Variants in ITPR3 observed in about 807,000 individuals in gnomAD.
ITPR3 encodes inositol 1,4,5-trisphosphate-gated calcium channel ITPR3.
Under a neutral mutation model 293.2 loss-of-function variants are expected in ITPR3, and 173 were observed. That is an observed-to-expected ratio of 0.59 (90% CI 0.52 to 0.67). The LOEUF (loss-of-function observed/expected upper bound fraction) is 0.67, where lower values mean the gene tolerates loss of function less well. Ranked by LOEUF, ITPR3 falls within the 30% of genes least tolerant of loss-of-function variation. The pLI is 0.00. For synonymous variants in ITPR3, 1,295 were observed against 1,444.4 expected (o/e 0.90, Z 2.35); for missense variants, 2,796 against 3,592.1 (o/e 0.78, Z 5.66).
Position 33,692,335 on chromosome 6 carries a change from C to CA in ITPR3, c.7459-392dup, listed in dbSNP as rs953049836. On this transcript the variant is annotated intron_variant, in intron 54 of 57. Transcript: ENST00000605930. This position sits in a 1 kb window ranked among gnomAD's most constrained non-coding sequence, Gnocchi z 4.2. ...GTGAGAGGCCGCCTCCCTGGCCAGA[C>CA]AGAGGGTTTCTGGAATGTGTGAGGC... 1.3e-5 allele frequency among the ~76,000 whole-genome samples: 2 copies of CA among 152,188 alleles called. No homozygotes were observed. The highest frequency in any genetic ancestry group is 4.8e-5 in the African/African-American group (2 of 41,438).
In ITPR3 at chr6:33,666,104, T is replaced by G; in HGVS notation, c.1551+128T>G. 9.5e-7 allele frequency: 1 copy of G among 1,057,316 alleles called. No individual in the cohort carries two copies. The highest frequency in any genetic ancestry group is 1.3e-6 in the Non-Finnish European group (1 of 749,450). The allele number at this position is 1,057,316 out of a possible 1,614,324, so 65.5% of individuals were successfully genotyped here. On this transcript the variant is annotated intron_variant, in intron 14 of 57. Transcript: ENST00000605930. The surrounding 1 kb of genome is among the most constrained non-coding windows in gnomAD (Gnocchi z 5.1). ...TGGGGCACGACCACGTGCCAGGGAC[T>G]TCCCTAAGTACCCCACATGTGTTGA...
intron 1 of ITPR3, among the ~76,000 whole-genome samples, chr6:33,637,992 TTTG>T (rs1476553795): frequency 6.7e-6 from 1 of 150,114 alleles, no homozygotes; most frequent in Non-Finnish European, 1.5e-5. Context: ...AGGCACGTTT[TTTG>T]TTTTGTTTTG....
chr6:33,685,644 C>G lies in ITPR3; in HGVS notation c.5484C>G (p.Gly1828=). Residue 1828 remains glycine, a splice_region_variant and synonymous_variant, in exon 41 of 58, where the codon GGC becomes GGG. Transcript: ENST00000605930. ...DREPVDPTTK[G]RVASFSIPGS... is the part of the protein sequence containing the mutation. ...AGCCTCACCAGGTCTCGCCCACAGG[C>G]CGCGTGGCCTCCTTCTCGATACCTG... is the stretch of plus-strand genomic sequence containing the variant. 6.3e-7 allele frequency: 1 copy of G among 1,582,722 alleles called. No individual in the cohort carries two copies. Among genetic ancestry groups the G allele is most frequent in the Non-Finnish European group, 8.6e-7 (1 of 1,160,782 alleles).
chr6:33,662,171 T>C (rs1764489606), intron 7 of ITPR3, among the ~76,000 whole-genome samples: 1 of 151,760 alleles, frequency 6.6e-6, no homozygotes, highest in African/African-American at 2.4e-5. Context: ...CCGGGGACAC[T>C]GAGGGGGTAA....
Position 33,675,642 on chromosome 6 carries a change from A to G in ITPR3, c.3117-49A>G, listed in dbSNP as rs201022526. 6.5e-7 allele frequency: 1 copy of G among 1,531,174 alleles called. No homozygotes were observed. Among genetic ancestry groups the G allele is most frequent in the East Asian group, 2.4e-5 (1 of 42,284 alleles). 94.8% of individuals were successfully genotyped at this position (1,531,174 alleles called of 1,614,324 possible). On this transcript the variant is annotated intron_variant, in intron 24 of 57. Coordinates refer to ENST00000605930, the MANE Select transcript of ITPR3 (RefSeq NM_002224.4). The surrounding 1 kb of genome is among the most constrained non-coding windows in gnomAD (Gnocchi z 5.0). ...GGGCCCCTTACCCACCACGGACAGC[A>G]GGGAGTGTGCCAGTCTCACCCATGC...
chr6:33,623,843 G>C (rs1045874348), intron 1 of ITPR3, among the ~76,000 whole-genome samples: 1 of 152,106 alleles, frequency 6.6e-6, no homozygotes. Context: ...CCCTCCCTCT[G>C]CAAACACCTC....
chr6:33,686,892 C>T, intron 43 of ITPR3, 117 bp from the exon 44 acceptor site: 1 of 824,226 alleles, frequency 1.2e-6, no homozygotes, highest in Non-Finnish European at 2.0e-6. Context: ...ATGGGAAGGT[C>T]ATGGCACCTG....
In ITPR3 at chr6:33,640,439, G is replaced by T. The variant is rs41271247; in HGVS notation, c.90-45G>T. ...CTCTAAGGGAAGGGATACTGTGGGA[G>T]ATAGGTCTCTTCTCTCCTGCTGACC... On this transcript the variant is annotated intron_variant, in intron 1 of 57. Transcript: ENST00000605930. The T allele has an allele frequency of 0.12, 190,453 of 1,580,972 alleles. 12,374 individuals are homozygous for T. The highest frequency in any genetic ancestry group is 0.13 in the Non-Finnish European group (153,218 of 1,157,922).
intron 3 of ITPR3, among the ~76,000 whole-genome samples, chr6:33,657,190 C>T (rs1764329817): frequency 6.6e-6 from 1 of 152,212 alleles, no homozygotes. Flanking sequence ...GGACAGAGAC[C>T]ACTGCTCTCA....
rs2127311442 is a variant in ITPR3 at position 33,687,109 on chromosome 6, G to A, written c.6075+5G>A. 1 of 1,613,708 alleles carries A rather than the reference G, an allele frequency of 6.2e-7. No homozygotes were observed. The highest frequency in any genetic ancestry group is 8.5e-7 in the Non-Finnish European group (1 of 1,179,782). ...AGCCTGCGGCCCCAGGAGCTGGTGA[G>A]GCTGGGCAGGTGGGCAGGCGGGCGG... On this transcript the variant is annotated splice_donor_5th_base_variant and intron_variant, in intron 44 of 57. Coordinates refer to ENST00000605930, the MANE Select transcript of ITPR3 (RefSeq NM_002224.4). This position sits in a 1 kb window ranked among gnomAD's most constrained non-coding sequence, Gnocchi z 5.3.
Position 33,670,283 on chromosome 6 carries a change from G to A in ITPR3, c.2190-42G>A. On this transcript the variant is annotated intron_variant, in intron 18 of 57. Coordinates refer to ENST00000605930, the MANE Select transcript of ITPR3 (RefSeq NM_002224.4). The surrounding 1 kb of genome is among the most constrained non-coding windows in gnomAD (Gnocchi z 6.7). Reference sequence around the variant, plus strand: ...AGTGCCCAGTGCCAGCAGCCTCCCGGCTGCCATCTGCCGTGTCCTCACAGT... The same window carrying A: ...AGTGCCCAGTGCCAGCAGCCTCCCGACTGCCATCTGCCGTGTCCTCACAGT... 2 of 1,610,348 alleles carry A rather than the reference G, an allele frequency of 1.2e-6. No individual in the cohort carries two copies. The highest frequency in any genetic ancestry group is 8.5e-7 in the Non-Finnish European group (1 of 1,177,882).
Position 33,684,646 on chromosome 6 carries a change from A to C in ITPR3, c.5095A>C (p.Lys1699Gln). The C allele has an allele frequency of 6.2e-7, 1 of 1,614,096 alleles. No individual in the cohort carries two copies. Among genetic ancestry groups the C allele is most frequent in the Non-Finnish European group, 8.5e-7 (1 of 1,180,016 alleles). Reference sequence around the variant, plus strand: ...GCTGCAAAACTACCTCCAGAACCGGAAGTCCACCTCGCGGGGGGACCTTCC... The same window carrying C: ...GCTGCAAAACTACCTCCAGAACCGGCAGTCCACCTCGCGGGGGGACCTTCC... Reference protein sequence around the residue: ...MLLQNYLQNRKSTSRGDLPDP... With the variant: ...MLLQNYLQNRQSTSRGDLPDP... The change falls in exon 38 of 58, where the codon AAG (lysine) becomes CAG (glutamine). Residue 1699 changes from lysine to glutamine, a missense_variant. This residue lies in a region of ITPR3 where 704 missense variants were observed against 797.5 expected (regional missense o/e 0.88). Coordinates refer to ENST00000605930, the MANE Select transcript of ITPR3 (RefSeq NM_002224.4). The surrounding 1 kb of genome is among the most constrained non-coding windows in gnomAD (Gnocchi z 4.2).
At position 33,652,672 on chromosome 6, in the gene ITPR3, G is replaced by T. The variant is rs375074959; in HGVS notation, c.161-3094G>T. On this transcript the variant is annotated intron_variant, in intron 2 of 57. Transcript: ENST00000605930. ...GTAGAGATGGGGTTTCACCACGTTG[G>T]TCAGGCTGGTCTCGAACTCCTGACC... Among the ~76,000 whole-genome samples the T allele has an allele frequency of 2.0e-5, 3 of 152,016 alleles. No homozygotes were observed. The East Asian group carries it at 5.8e-4, about 29-fold the overall frequency.
chr6:33,685,284 G>A (rs570048814), intron 39 of ITPR3, 75 bp from the exon 40 acceptor site: 376 of 1,409,986 alleles, frequency 2.7e-4, no homozygotes, highest in Non-Finnish European at 3.5e-4. Context: ...CAGCAGTGTG[G>A]TGTGCCTGCC....
At position 33,665,178 on chromosome 6, in the gene ITPR3, A is replaced by T. The variant is rs141433609; in HGVS notation, c.1374A>T (p.Lys458Asn). Reference sequence around the variant, plus strand: ...CCATGCTGGCCAGTGCCGTGGAGAAACTCAACGAGGGCTTCATCAGCCAGA... The same window carrying T: ...CCATGCTGGCCAGTGCCGTGGAGAATCTCAACGAGGGCTTCATCAGCCAGA... The part of the protein sequence containing the change: ...ASSMLASAVE[K>N]LNEGFISQND... Residue 458 changes from lysine (K) to asparagine (N), a missense_variant, in exon 13 of 58, where the codon AAA (lysine) becomes AAT (asparagine). Transcript: ENST00000605930. 5.0e-5 allele frequency: 80 copies of T among 1,613,962 alleles called. No individual in the cohort carries two copies. Among genetic ancestry groups the T allele is most frequent in the Non-Finnish European group, 6.7e-5 (79 of 1,180,004 alleles).
intron 28 of ITPR3, 100 bp from the exon 29 acceptor site, chr6:33,678,321 G>C: frequency 6.6e-7 from 1 of 1,520,678 alleles, no homozygotes; most frequent in Non-Finnish European, 9.0e-7. Context: ...CACGGTCCCA[G>C]TCCCAAGCCC....
chr6:33,659,315 G>A, intron 6 of ITPR3, 151 bp from the exon 7 acceptor site: 1 of 866,806 alleles, frequency 1.2e-6, no homozygotes, highest in Non-Finnish European at 1.8e-6. Flanking sequence ...CCCCAAGGTA[G>A]CCGGGCTGGG....
At chr6:33,634,250 G>A (rs1223914617) in intron 1 of ITPR3, among the ~76,000 whole-genome samples, 1 of 152,072 alleles carries the variant, frequency 6.6e-6, no homozygotes, top group African/African-American at 2.4e-5. Context: ...ACACACACCA[G>A]GTGGGGGCTG....
chr6:33,667,267 CAGG>C lies in ITPR3; in HGVS notation c.1695_1697del (p.Glu565del), dbSNP rs1332617281. Reference sequence around the variant, plus strand: ...GTGCTACCGCGTGTTGCGGCATTCCCAGGAGGACTACCGCAAGAACCAGGTGCG... The same window carrying C: ...GTGCTACCGCGTGTTGCGGCATTCCCAGGACTACCGCAAGAACCAGGTGCG... On this transcript the variant is annotated inframe_deletion, in exon 15 of 58. Coordinates refer to ENST00000605930, the MANE Select transcript of ITPR3 (RefSeq NM_002224.4). The surrounding 1 kb of genome is among the most constrained non-coding windows in gnomAD (Gnocchi z 4.4). The C allele has an allele frequency of 1.2e-6, 2 of 1,612,690 alleles. No individual in the cohort carries two copies. The highest frequency in any genetic ancestry group is 1.7e-6 in the Non-Finnish European group (2 of 1,179,874).
Sources: gnomAD v4.1 joint callset for allele counts (sites outside exome capture counted in the v4.1 genomes callset) on GRCh38, gnomAD v4.1.1 for gene constraint, gnomAD v4.1.1 regional missense constraint, Gnocchi (gnomAD v3.1) non-coding constraint, MANE v1.5 for transcripts, NCBI Gene and HGNC (gene_info 2026-07-23, HGNC 2026-07-21) for gene names.